The following CREB5 variants were observed in gnomAD, a reference collection of about 807,000 sequenced individuals.
The protein encoded by CREB5 is cAMP responsive element binding protein 5, also known as cyclic AMP-responsive element-binding protein 5.
In CREB5, 19 loss-of-function variants were observed where a neutral mutation model predicts 57.1. The ratio of observed to expected loss-of-function variants is 0.33; its 90% CI spans 0.23 to 0.49. The LOEUF (loss-of-function observed/expected upper bound fraction) is 0.49. Among genes scored for constraint, CREB5 ranks in the 20% least tolerant of loss-of-function variants. CREB5 has a pLI of 0.99. For missense variants in CREB5, 579 were observed against 671.6 expected (o/e 0.86, Z 1.52); for synonymous variants, 238 against 238.3 (o/e 1.00, Z 0.01).
intron 1 of CREB5, among the ~76,000 whole-genome samples, chr7:28,474,562 T>C (rs1031924855): frequency 6.6e-6 from 1 of 152,086 alleles, no homozygotes; most frequent in Non-Finnish European, 1.5e-5. Context: ...GTGTGAGTGG[T>C]TTTTTCTGTT....
chr7:28,374,583 G>A (rs1309177659), intron 1 of CREB5, among the ~76,000 whole-genome samples: 2 of 152,156 alleles, frequency 1.3e-5, no homozygotes, highest in Non-Finnish European at 2.9e-5. Context: ...AGTGAGGGAA[G>A]CCAGGTGCAT....
chr7:28,449,176 C>G (rs78579799), intron 1 of CREB5, among the ~76,000 whole-genome samples: 1,535 of 152,332 alleles, frequency 0.01, 29 homozygotes, highest in East Asian at 0.035. Flanking sequence ...CCCCTGACCA[C>G]TCACTAAAGG....
At chr7:28,428,099 G>A (rs1333846917) in intron 1 of CREB5, among the ~76,000 whole-genome samples, 1 of 152,210 alleles carries the variant, frequency 6.6e-6, no homozygotes, top group Non-Finnish European at 1.5e-5. Context: ...GAGCCACCAG[G>A]GAAGGGAGGA....
chr7:28,373,863 C>T (rs992403100), intron 1 of CREB5, among the ~76,000 whole-genome samples: 47 of 151,192 alleles, frequency 3.1e-4, no homozygotes, highest in Non-Finnish European at 5.2e-4. Flanking sequence ...CATAAAATGC[C>T]GCCAGTGAAC....
At chr7:28,351,676 C>A (rs1395185467) in intron 1 of CREB5, among the ~76,000 whole-genome samples, 1 of 152,136 alleles carries the variant, frequency 6.6e-6, no homozygotes, top group African/African-American at 2.4e-5. Flanking sequence ...CTTTCCCCAT[C>A]TCTGAGCCAC....
chr7:28,635,543 T>A (rs1485798284), intron 5 of CREB5, among the ~76,000 whole-genome samples: 1 of 152,234 alleles, frequency 6.6e-6, no homozygotes, highest in African/African-American at 2.4e-5. Context: ...TTTACTAGAA[T>A]GTCTGCCTCA....
chr7:28,638,451 A>G (rs1264015689), intron 5 of CREB5, among the ~76,000 whole-genome samples: 2 of 151,830 alleles, frequency 1.3e-5, no homozygotes, highest in Non-Finnish European at 2.9e-5. Context: ...GACTCAAGCA[A>G]TTCTCCCACC....
intron 2 of CREB5, 23 bp from the exon 3 acceptor site, chr7:28,494,883 C>CTTT: frequency 7.0e-6 from 9 of 1,280,370 alleles, no homozygotes; most frequent in Admixed American, 2.6e-5. Flanking sequence ...TCTCCCCTCC[C>CTTT]TTTTTTTTTA....
intron 5 of CREB5, among the ~76,000 whole-genome samples, chr7:28,641,702 A>G (rs1009117805): frequency 7.9e-5 from 12 of 152,146 alleles, no homozygotes; most frequent in African/African-American, 2.9e-4. Flanking sequence ...TTAGACTACA[A>G]TTTGAAATGA....
At chr7:28,466,396 C>T (rs983754213) in intron 1 of CREB5, among the ~76,000 whole-genome samples, 5 of 152,094 alleles carry the variant, frequency 3.3e-5, no homozygotes, top group Admixed American at 6.5e-5. Context: ...GGTGGAAAGC[C>T]TGTAGGCGTT....
chr7:28,463,676 A>G (rs1265284580), intron 1 of CREB5, among the ~76,000 whole-genome samples: 1 of 152,142 alleles, frequency 6.6e-6, no homozygotes, highest in Non-Finnish European at 1.5e-5. Context: ...TTTGATGCTT[A>G]CTGTAAATAA....
chr7:28,414,504 A>C (rs909434836), intron 1 of CREB5, among the ~76,000 whole-genome samples: 1 of 152,202 alleles, frequency 6.6e-6, no homozygotes. Context: ...ATTGCCTTAA[A>C]TATCTAAGTG....
At chr7:28,363,866 C>T (rs1786535499) in intron 1 of CREB5, among the ~76,000 whole-genome samples, 1 of 152,152 alleles carries the variant, frequency 6.6e-6, no homozygotes, top group Admixed American at 6.5e-5. Context: ...GGAGAATTGT[C>T]ATTGGTCTCA....
rs10699932 is a variant in CREB5 at position 28,330,401 on chromosome 7, C to CTTTTTTTTTTTTTTTTT, written c.-25+30964_-25+30980dup. ...TTTAGCTTGTGCTAAGAGAACCTTA[C>CTTTTTTTTTTTTTTTTT]TTTTTTTTTTTTTTTTTTTTGCATA... On this transcript the variant is annotated intron_variant, in intron 1 of 9. Coordinates refer to the CREB5 transcript ENST00000396299. Among the ~76,000 whole-genome samples, 81 of 88,518 alleles carry CTTTTTTTTTTTTTTTTT rather than the reference C, an allele frequency of 9.2e-4. 1 individual carries two copies. Among genetic ancestry groups the CTTTTTTTTTTTTTTTTT allele is most frequent in the Non-Finnish European group, 1.3e-3 (61 of 47,264 alleles). 58.1% of individuals were successfully genotyped at this position (88,518 alleles called of 152,430 possible).
At chr7:28,460,902 G>A (rs1266598350) in intron 1 of CREB5, among the ~76,000 whole-genome samples, 1 of 151,868 alleles carries the variant, frequency 6.6e-6, no homozygotes, top group Non-Finnish European at 1.5e-5. Context: ...TAAAAGAGAT[G>A]TGGATCTTAT....
intron 5 of CREB5, among the ~76,000 whole-genome samples, chr7:28,627,018 C>T (rs868007991): frequency 2.6e-5 from 4 of 152,210 alleles, no homozygotes; most frequent in Non-Finnish European, 4.4e-5. Flanking sequence ...CAGCCCTTGA[C>T]AGACAAAGTT....
chr7:28,392,041 AT>A (rs1787227565), intron 1 of CREB5, among the ~76,000 whole-genome samples: 1 of 152,216 alleles, frequency 6.6e-6, no homozygotes, highest in South Asian at 2.1e-4. Context: ...CAAATACCGC[AT>A]GTTCTCACTT....
intron 4 of CREB5, among the ~76,000 whole-genome samples, chr7:28,514,720 A>G (rs1428447607): frequency 2.0e-5 from 3 of 152,180 alleles, no homozygotes; most frequent in Non-Finnish European, 2.9e-5. Context: ...TATATTTGCT[A>G]TGACAGGACA....
At chr7:28,599,273 A>C (rs1292781750) in intron 5 of CREB5, among the ~76,000 whole-genome samples, 4 of 152,114 alleles carry the variant, frequency 2.6e-5, no homozygotes, top group Non-Finnish European at 5.9e-5. Context: ...GAGAGAGAGC[A>C]AGAGATTGTA....
Sources: gnomAD v4.1 joint callset for allele counts (sites outside exome capture counted in the v4.1 genomes callset) on GRCh38, gnomAD v4.1.1 for gene constraint, MANE v1.5 for transcripts, NCBI Gene and HGNC (gene_info 2026-07-23, HGNC 2026-07-21) for gene names.